The following EPHB1 variants were observed in gnomAD, a reference collection of about 807,000 sequenced individuals.
EPHB1 encodes EPH receptor B1.
In EPHB1, 30 loss-of-function variants were observed where a neutral mutation model predicts 94.4. That is an observed-to-expected ratio of 0.32 (90% CI 0.24 to 0.43). The LOEUF (loss-of-function observed/expected upper bound fraction) is 0.43, where lower values mean the gene tolerates loss of function less well. Ranked by LOEUF, EPHB1 falls within the 20% of genes least tolerant of loss-of-function variation. The probability of loss-of-function intolerance (pLI) is 1.00; values close to 1 mark genes in which losing one functional copy is unlikely to be tolerated. For synonymous variants in EPHB1, 522 were observed against 489.1 expected (o/e 1.07, Z -0.89); for missense variants, 1,055 against 1,308.3 (o/e 0.81, Z 2.99).
chr3:134,802,589 T>A (rs1055680280), intron 1 of EPHB1, among the ~76,000 whole-genome samples: 1 of 152,170 alleles, frequency 6.6e-6, no homozygotes, highest in African/African-American at 2.4e-5. Context: ...AGGAAGACTG[T>A]ATTCTAGGGA....
chr3:135,043,330 A>G (rs952202408), intron 3 of EPHB1, among the ~76,000 whole-genome samples: 21 of 152,074 alleles, frequency 1.4e-4, no homozygotes, highest in African/African-American at 4.1e-4. Flanking sequence ...ACAGTTTGGT[A>G]CTTTTCTCTG....
chr3:134,925,056 T>C (rs899875417), intron 1 of EPHB1, among the ~76,000 whole-genome samples: 1 of 152,270 alleles, frequency 6.6e-6, no homozygotes, highest in Non-Finnish European at 1.5e-5. Context: ...ATTTTAAATA[T>C]GTGCAGTTTA....
intron 5 of EPHB1, among the ~76,000 whole-genome samples, chr3:135,137,481 C>T (rs143381576): frequency 6.7e-4 from 102 of 152,346 alleles, no homozygotes; most frequent in African/African-American, 2.4e-3. Context: ...CCAAGTCTTA[C>T]TGCCAAGCAT....
chr3:135,243,096 A>T (rs963302515), intron 13 of EPHB1, among the ~76,000 whole-genome samples: 7 of 68,826 alleles, frequency 1.0e-4, no homozygotes, highest in African/African-American at 3.3e-4. Context: ...AAAAAAAAAG[A>T]AAAGAAAAGA....
chr3:134,910,382 A>T (rs1198070398), intron 1 of EPHB1, among the ~76,000 whole-genome samples: 5 of 152,188 alleles, frequency 3.3e-5, no homozygotes, highest in African/African-American at 1.2e-4. Context: ...CTCTACCTGG[A>T]TCGTCAAATT....
chr3:134,938,774 C>G (rs959601), intron 2 of EPHB1, among the ~76,000 whole-genome samples: 1 of 152,174 alleles, frequency 6.6e-6, no homozygotes, highest in African/African-American at 2.4e-5. Flanking sequence ...ATGTTTAATC[C>G]TCACAATTGC....
chr3:134,822,868 C>T (rs760084088), intron 1 of EPHB1, among the ~76,000 whole-genome samples: 50 of 152,262 alleles, frequency 3.3e-4, no homozygotes, highest in Non-Finnish European at 6.2e-4. Context: ...TTGGCATAAA[C>T]GAACCCAGGC....
chr3:135,127,655 G>T (rs1395296347), intron 4 of EPHB1, among the ~76,000 whole-genome samples: 5 of 152,162 alleles, frequency 3.3e-5, no homozygotes, highest in African/African-American at 1.2e-4. Flanking sequence ...TGATTACTCA[G>T]GAGTGCTCTT....
chr3:135,224,890 C>T (rs545140014), intron 12 of EPHB1, among the ~76,000 whole-genome samples: 1 of 152,312 alleles, frequency 6.6e-6, no homozygotes, highest in East Asian at 1.9e-4. Context: ...TTGGAATGAC[C>T]TTTGGCCAAG....
intron 12 of EPHB1, among the ~76,000 whole-genome samples, chr3:135,226,234 C>G (rs898984885): frequency 1.3e-5 from 2 of 152,196 alleles, no homozygotes; most frequent in South Asian, 2.1e-4. Flanking sequence ...ATGGCAGTTT[C>G]CTCCCACATC....
intron 12 of EPHB1, among the ~76,000 whole-genome samples, chr3:135,206,692 C>T (rs1027484058): frequency 2.6e-5 from 4 of 152,088 alleles, no homozygotes; most frequent in African/African-American, 9.7e-5. Context: ...TCTACTAAAT[C>T]CAAAAAATTA....
intron 2 of EPHB1, among the ~76,000 whole-genome samples, chr3:134,938,047 C>T (rs575652835): frequency 3.9e-5 from 6 of 151,996 alleles, no homozygotes; most frequent in Non-Finnish European, 5.9e-5. Flanking sequence ...AGGGGCAGCC[C>T]ATTATACCCT....
At chr3:135,088,374 G>A (rs1186158980) in intron 3 of EPHB1, among the ~76,000 whole-genome samples, 1 of 152,210 alleles carries the variant, frequency 6.6e-6, no homozygotes, top group Non-Finnish European at 1.5e-5. Flanking sequence ...AAATGGAAAT[G>A]CTACTATCTT....
rs957462635 is a variant in EPHB1, at chr3:135,116,837, C to T, written c.961+10234C>T. On this transcript the variant is annotated intron_variant, in intron 4 of 15. Coordinates refer to ENST00000398015, the MANE Select transcript of EPHB1 (RefSeq NM_004441.5). ...ACTACCTATACTCTCCTTCATTCTC[C>T]AAGTCTCCAGCTGCCATATTGGAAA... Among the ~76,000 whole-genome samples the T allele has an allele frequency of 3.9e-5, 6 of 152,206 alleles. No individual in the cohort carries two copies. In the East Asian group the frequency reaches 1.2e-3, roughly 29 times the overall value.
At chr3:134,858,146 GT>G in intron 1 of EPHB1, among the ~76,000 whole-genome samples, 1 of 133,112 alleles carries the variant, frequency 7.5e-6, no homozygotes, top group Admixed American at 7.7e-5. Context: ...AAGTTTTATT[GT>G]TCCATCATCA....
At chr3:134,985,152 G>T (rs1934551974) in intron 3 of EPHB1, among the ~76,000 whole-genome samples, 1 of 152,010 alleles carries the variant, frequency 6.6e-6, no homozygotes, top group African/African-American at 2.4e-5. Context: ...GGGACCTCTG[G>T]TGTGTTTTGT....
intron 9 of EPHB1, among the ~76,000 whole-genome samples, chr3:135,174,496 C>T (rs922138789): frequency 2.6e-5 from 4 of 152,208 alleles, no homozygotes; most frequent in Non-Finnish European, 5.9e-5. Context: ...TTTCTGGTCT[C>T]TGCAGCACTT....
intron 3 of EPHB1, among the ~76,000 whole-genome samples, chr3:135,095,988 C>T (rs941240834): frequency 3.9e-5 from 6 of 152,210 alleles, no homozygotes; most frequent in Non-Finnish European, 5.9e-5. Flanking sequence ...AGTCTGTCTT[C>T]CTCCACCAGG....
chr3:135,145,774 C>A (rs1413883458), intron 5 of EPHB1, among the ~76,000 whole-genome samples: 1 of 152,096 alleles, frequency 6.6e-6, no homozygotes, highest in African/African-American at 2.4e-5. Context: ...ATTCTATGTT[C>A]TTTGTGAGAT....
Sources: gnomAD v4.1 joint callset for allele counts (sites outside exome capture counted in the v4.1 genomes callset) on GRCh38, gnomAD v4.1.1 for gene constraint, MANE v1.5 for transcripts, NCBI Gene and HGNC (gene_info 2026-07-23, HGNC 2026-07-21) for gene names.